COL14A1: variants seen among roughly 807,000 people sequenced by gnomAD.
The protein encoded by COL14A1 is collagen type XIV alpha 1 chain.
A neutral mutation model predicts 230.3 loss-of-function variants in COL14A1; 136 were observed. That is an observed-to-expected ratio of 0.59 (90% confidence interval 0.51 to 0.68). The LOEUF (loss-of-function observed/expected upper bound fraction) is 0.68. Among genes scored for constraint, COL14A1 ranks in the 30% least tolerant of loss-of-function variants. The pLI, the probability that COL14A1 is intolerant of heterozygous loss-of-function variation, is 0.00. For missense variants in COL14A1, 1,976 were observed against 2,215.8 expected (o/e 0.89, Z 2.17); for synonymous variants, 792 against 784.1 (o/e 1.01, Z -0.17).
intron 25 of COL14A1, among the ~76,000 whole-genome samples, chr8:120,269,550 A>G (rs969886871): frequency 6.6e-6 from 1 of 151,810 alleles, no homozygotes; most frequent in Non-Finnish European, 1.5e-5. Flanking sequence ...AATTATAATT[A>G]GATTAATCTG....
chr8:120,323,265 GT>G lies in COL14A1; in HGVS notation c.4659+7277del, dbSNP rs371507386. ...CCTTTGCCTACTTTTTAATGGAGTTGTTTTTTTTTCTTGCAAGTTTGTTTAA... is the reference window on the plus strand; with the variant it reads ...CCTTTGCCTACTTTTTAATGGAGTTGTTTTTTTTCTTGCAAGTTTGTTTAA... On this transcript the variant is annotated intron_variant, in intron 40 of 47. Transcript: ENST00000297848. 1.3e-3 allele frequency among the ~76,000 whole-genome samples: 202 copies of G among 150,092 alleles called. 1 individual carries two copies. The highest frequency in any genetic ancestry group is 2.2e-3 in the Non-Finnish European group (146 of 67,358).
intron 42 of COL14A1, among the ~76,000 whole-genome samples, chr8:120,333,744 G>A (rs1174995960): frequency 6.6e-6 from 1 of 152,208 alleles, no homozygotes; most frequent in Non-Finnish European, 1.5e-5. Context: ...GGCTAGAGGA[G>A]AGAATCTCTT....
intron 1 of COL14A1, among the ~76,000 whole-genome samples, chr8:120,135,388 T>A (rs1814675629): frequency 6.6e-6 from 1 of 152,104 alleles, no homozygotes; most frequent in African/African-American, 2.4e-5. Flanking sequence ...CTCAGCTTCC[T>A]GAATAGCTGG....
At chr8:120,218,767 C>T (rs1400768200) in intron 14 of COL14A1, among the ~76,000 whole-genome samples, 6 of 152,158 alleles carry the variant, frequency 3.9e-5, no homozygotes, top group Admixed American at 3.9e-4. Context: ...GAAGTGTGTG[C>T]ATCCAGGACG....
chr8:120,202,989 A>AATATATATAT (rs201356550), intron 8 of COL14A1, among the ~76,000 whole-genome samples: 5,897 of 105,938 alleles, frequency 0.056, 273 homozygotes, highest in East Asian at 0.079. Flanking sequence ...AATAATTTCA[A>AATATATATAT]ATATATATAT....
At chr8:120,345,832 A>G (rs1172711528) in intron 45 of COL14A1, among the ~76,000 whole-genome samples, 2 of 152,198 alleles carry the variant, frequency 1.3e-5, no homozygotes, top group Admixed American at 6.5e-5. Context: ...AGCTAATGAA[A>G]GAAAGATAAC....
intron 38 of COL14A1, 50 bp from the exon 39 acceptor site, chr8:120,315,483 C>G (rs1320096717): frequency 6.8e-7 from 1 of 1,474,662 alleles, no homozygotes; most frequent in Non-Finnish European, 9.4e-7. Context: ...AAAGAAAACG[C>G]TAAGAATTTA....
At chr8:120,270,204 A>T (rs1361937901) in intron 26 of COL14A1, 30 bp downstream of exon 26, 1 of 1,589,022 alleles carries the variant, frequency 6.3e-7, no homozygotes, top group Non-Finnish European at 8.6e-7. Flanking sequence ...AATTCATTCT[A>T]TGTATTTAGA....
intron 13 of COL14A1, chr8:120,213,833 A>G: frequency 3.2e-6 from 1 of 310,978 alleles, no homozygotes; most frequent in Non-Finnish European, 6.2e-6. Context: ...ACACTATTCT[A>G]TTATATTGCC....
chr8:120,315,197 C>A (rs1164269299), intron 38 of COL14A1, among the ~76,000 whole-genome samples: 3 of 151,920 alleles, frequency 2.0e-5, no homozygotes, highest in African/African-American at 7.2e-5. Flanking sequence ...TGATGAAACC[C>A]CGTCTCTACT....
chr8:120,278,671 A>G, intron 28 of COL14A1, 93 bp downstream of exon 28: 3 of 1,254,578 alleles, frequency 2.4e-6, no homozygotes, highest in Non-Finnish European at 3.2e-6. Flanking sequence ...CATTACTTAA[A>G]TGTTTTAAAA....
chr8:120,369,642 T>C (rs1041455846), intron 47 of COL14A1, among the ~76,000 whole-genome samples, 157 bp downstream of exon 47: 1 of 152,232 alleles, frequency 6.6e-6, no homozygotes, highest in African/African-American at 2.4e-5. Context: ...CCGAGACATT[T>C]TCTATAAAGT....
intron 4 of COL14A1, 91 bp from the exon 5 acceptor site, chr8:120,168,070 T>C: frequency 2.5e-6 from 2 of 810,842 alleles, no homozygotes; most frequent in Non-Finnish European, 3.9e-6. Context: ...ATAGATACTT[T>C]TAGGGCTTTC....
chr8:120,256,048 G>A (rs1819140228), intron 23 of COL14A1, among the ~76,000 whole-genome samples: 1 of 152,106 alleles, frequency 6.6e-6, no homozygotes, highest in Non-Finnish European at 1.5e-5. Flanking sequence ...TGGACACTAT[G>A]CAGAAGATGA....
chr8:120,174,928 C>T (rs916430627), intron 5 of COL14A1, among the ~76,000 whole-genome samples: 6 of 152,132 alleles, frequency 3.9e-5, no homozygotes, highest in African/African-American at 1.4e-4. Context: ...CCAACCAGGT[C>T]GTTTATGCAA....
intron 18 of COL14A1, 50 bp downstream of exon 18, chr8:120,228,819 C>A: frequency 2.8e-6 from 4 of 1,447,334 alleles, no homozygotes; most frequent in Non-Finnish European, 3.9e-6. Flanking sequence ...TTTCTTTAAA[C>A]AGATGTTATA....
chr8:120,364,063 G>T (rs1263577613), intron 45 of COL14A1, among the ~76,000 whole-genome samples: 1 of 152,058 alleles, frequency 6.6e-6, no homozygotes, highest in African/African-American at 2.4e-5. Flanking sequence ...CATTTCAAAA[G>T]AAGGAAATTA....
chr8:120,242,306 C>T (rs1818628651), intron 19 of COL14A1, among the ~76,000 whole-genome samples: 1 of 152,226 alleles, frequency 6.6e-6, no homozygotes, highest in African/African-American at 2.4e-5. Flanking sequence ...AGGGAAGCCT[C>T]TTACTATAAA....
intron 37 of COL14A1, among the ~76,000 whole-genome samples, chr8:120,313,666 A>G (rs1022008100): frequency 6.6e-6 from 1 of 152,124 alleles, no homozygotes; most frequent in African/African-American, 2.4e-5. Flanking sequence ...CATAATTGGC[A>G]TAGCACTCTT....
Sources: gnomAD v4.1 joint callset for allele counts (sites outside exome capture counted in the v4.1 genomes callset) on GRCh38, gnomAD v4.1.1 for gene constraint, MANE v1.5 for transcripts, NCBI Gene and HGNC (gene_info 2026-07-23, HGNC 2026-07-21) for gene names.